The following ABCB7 variants were observed in gnomAD, a reference collection of about 807,000 sequenced individuals.
The protein encoded by ABCB7 is iron-sulfur clusters transporter ABCB7, mitochondrial.
A neutral mutation model predicts 54.4 loss-of-function variants in ABCB7; 7 were observed. The ratio of observed to expected loss-of-function variants is 0.13; its 90% confidence interval spans 0.07 to 0.24. The LOEUF (loss-of-function observed/expected upper bound fraction) is 0.24, where lower values mean the gene tolerates loss of function less well. ABCB7 is among the 10% of genes least tolerant of loss of function. The pLI is 1.00. For synonymous variants in ABCB7, 218 were observed against 207.1 expected (o/e 1.05, Z -0.45); for missense variants, 356 against 570.4 (o/e 0.62, Z 3.83).
chrX:75,060,933 C>T (rs1392334739), intron 14 of ABCB7, among the ~76,000 whole-genome samples: 3 of 111,714 alleles, frequency 2.7e-5, no homozygotes, highest in Non-Finnish European at 5.7e-5. Flanking sequence ...AAGAGTTGTA[C>T]ATATATTCAG....
chrX:75,114,797 C>A lies in ABCB7; in HGVS notation c.203G>T (p.Arg68Ile). ...CTGTCCTGAATTGCCTTTTCCCAAT[C>A]TCTGCCATGTGATACTTTTTAATGA... is the stretch of plus-strand genomic sequence containing the variant. ...PESLKSITWQ[R>I]LGKGNSGQFL... Residue 68 changes from arginine (R) to isoleucine (I), a missense_variant, in exon 2 of 16, where the codon AGA (arginine) becomes ATA (isoleucine). By Grantham distance (97) the Arg-to-Ile change is moderately conservative. Transcript: ENST00000373394. 3 of 1,201,729 alleles carry A rather than the reference C, an allele frequency of 2.5e-6. No individual in the cohort carries two copies. The highest frequency in any genetic ancestry group is 1.7e-5 in the African/African-American group (1 of 57,558).
intron 4 of ABCB7, among the ~76,000 whole-genome samples, chrX:75,090,571 G>A (rs2081535791): frequency 9.2e-6 from 1 of 108,564 alleles, no homozygotes; most frequent in African/African-American, 3.3e-5. Flanking sequence ...TTTCCATCTT[G>A]GGAAAATAGA....
chrX:75,139,337 C>G (rs1384801697), intron 1 of ABCB7, among the ~76,000 whole-genome samples: 1 of 112,109 alleles, frequency 8.9e-6, no homozygotes, highest in Non-Finnish European at 1.9e-5. Flanking sequence ...GATGTATTCA[C>G]TAACCTTCAA....
At chrX:75,154,767 C>T (rs2082160830) in intron 1 of ABCB7, among the ~76,000 whole-genome samples, 1 of 112,230 alleles carries the variant, frequency 8.9e-6, no homozygotes, top group Non-Finnish European at 1.9e-5. Flanking sequence ...ATACCTTGTA[C>T]CTTTCCCATT....
intron 3 of ABCB7, among the ~76,000 whole-genome samples, chrX:75,109,266 A>T (rs2081735378): frequency 8.9e-6 from 1 of 112,005 alleles, no homozygotes; most frequent in Non-Finnish European, 1.9e-5. Context: ...GAGAATAAAA[A>T]ACCAAAACAG....
chrX:75,151,138 A>G (rs2082129161), intron 1 of ABCB7, among the ~76,000 whole-genome samples: 1 of 111,907 alleles, frequency 8.9e-6, no homozygotes, highest in Non-Finnish European at 1.9e-5. Flanking sequence ...GTGTTCTAAA[A>G]GAAAGTTTAG....
chrX:75,052,395 A>C lies in ABCB7; in HGVS notation c.*975T>G, dbSNP rs915136684. 3.8e-5 allele frequency: 4 copies of C among 104,874 alleles called. No homozygotes were observed. The highest frequency in any genetic ancestry group is 1.4e-4 in the African/African-American group (4 of 27,703). 8.6% of individuals were successfully genotyped at this position (104,874 alleles called of 1,213,427 possible). On this transcript the variant is annotated 3_prime_UTR_variant, in exon 16 of 16. Coordinates refer to ENST00000373394, the MANE Select transcript of ABCB7 (RefSeq NM_001271696.3). ...GGCAGGAGAATGGCGTGAACCCAGG[A>C]GGCGGAGCTTGCAGTGAGCCGAGAT...
At chrX:75,087,816 G>A (rs982976499) in intron 4 of ABCB7, among the ~76,000 whole-genome samples, 1 of 111,998 alleles carries the variant, frequency 8.9e-6, no homozygotes, top group South Asian at 3.7e-4. Flanking sequence ...ACATCTAAAA[G>A]CTAGAGATCA....
chrX:75,149,774 T>C (rs181872681), intron 1 of ABCB7, among the ~76,000 whole-genome samples: 1 of 111,231 alleles, frequency 9.0e-6, no homozygotes, highest in African/African-American at 3.3e-5. Flanking sequence ...TATTAGCTTA[T>C]AAGGAATGGT....
rs181050060 is a variant in ABCB7, at chrX:75,117,959, T to C, written c.169-3128A>G. ...TGAATGGTAAAAATCACTGTTTAGC[T>C]CCTCTGTAAAATTCTGATTAATTGG... On this transcript the variant is annotated intron_variant, in intron 1 of 15. Coordinates refer to ENST00000373394, the MANE Select transcript of ABCB7 (RefSeq NM_001271696.3). 7.1e-5 allele frequency among the ~76,000 whole-genome samples: 8 copies of C among 112,359 alleles called. No individual in the cohort carries two copies. In the East Asian group the frequency reaches 2.2e-3, roughly 32 times the overall value.
Position 75,112,886 on chromosome X carries a change from C to G in ABCB7, c.333G>C (p.Gly111=). The change falls in exon 3 of 16, where the codon GGG becomes GGC. Residue 111 remains glycine (G), a splice_region_variant and synonymous_variant. Transcript: ENST00000373394. ...GGGLHTDPKE[G]LKDVDTRKII... The stretch of plus-strand genomic sequence containing the variant: ...CCAGTTACTTGTTACTGGCTCTTAC[C>G]CCTTCTTTTGGGTCTGTGTGGAGTC... 1.7e-6 allele frequency: 2 copies of G among 1,205,393 alleles called. No homozygotes were observed. The highest frequency in any genetic ancestry group is 2.2e-6 in the Non-Finnish European group (2 of 890,433).
chrX:75,117,550 T>C (rs923301423), intron 1 of ABCB7, among the ~76,000 whole-genome samples: 2 of 111,022 alleles, frequency 1.8e-5, no homozygotes, highest in Admixed American at 9.6e-5. Flanking sequence ...GGGTCCTTCC[T>C]AAGATTTAGG....
intron 1 of ABCB7, among the ~76,000 whole-genome samples, chrX:75,125,564 T>G (rs1003938824): frequency 2.7e-5 from 3 of 111,430 alleles, no homozygotes; most frequent in Non-Finnish European, 3.8e-5. Context: ...TCTCTTTATC[T>G]CCTTGCTACT....
chrX:75,086,895 T>C (rs776529571), intron 4 of ABCB7, among the ~76,000 whole-genome samples: 54 of 111,914 alleles, frequency 4.8e-4, no homozygotes, highest in African/African-American at 1.7e-3. Context: ...TTGCTCATTA[T>C]ACACTAATTA....
chrX:75,127,588 G>C (rs981495194), intron 1 of ABCB7, among the ~76,000 whole-genome samples: 11 of 111,346 alleles, frequency 9.9e-5, no homozygotes, highest in Middle Eastern at 4.7e-3. Context: ...AGAAACAAAG[G>C]GTATTCAAAT....
At chrX:75,074,075 T>TTA (rs1455552427) in intron 6 of ABCB7, 119 bp from the exon 7 acceptor site, 1 of 581,896 alleles carries the variant, frequency 1.7e-6, no homozygotes. Context: ...TGGCGTGAAG[T>TTA]TATGTACGTG....
rs183623022 is a variant in ABCB7, at chrX:75,113,215, C to T, written c.247-243G>A. ...ATCTCTAAATAGCTTTTGAAACTCA[C>T]GTTTAAAGGATTTAACCTGTTTTAC... is the stretch of plus-strand genomic sequence containing the variant. On this transcript the variant is annotated intron_variant, in intron 2 of 15. Transcript: ENST00000373394. 4.4e-4 allele frequency among the ~76,000 whole-genome samples: 49 copies of T among 112,161 alleles called. No individual in the cohort carries two copies. The South Asian group carries it at 0.01, about 24-fold the overall frequency.
intron 6 of ABCB7, among the ~76,000 whole-genome samples, chrX:75,074,271 T>C (rs186498160): frequency 9.0e-5 from 10 of 111,458 alleles, no homozygotes; most frequent in Non-Finnish European, 1.7e-4. Context: ...TTGCTAATCA[T>C]TAGAGAAATG....
chrX:75,088,558 G>C (rs1469695379), intron 4 of ABCB7, among the ~76,000 whole-genome samples: 1 of 111,618 alleles, frequency 9.0e-6, no homozygotes, highest in Non-Finnish European at 1.9e-5. Flanking sequence ...ACACAAAATA[G>C]AAAAGAATCA....
Sources: allele counts gnomAD v4.1 joint callset (sites outside exome capture counted in the v4.1 genomes callset), GRCh38; gene constraint gnomAD v4.1.1; transcripts MANE v1.5; gene names NCBI Gene and HGNC (gene_info 2026-07-23, HGNC 2026-07-21).